Variants in EFCAB13 observed in about 807,000 individuals in gnomAD.
The protein encoded by EFCAB13 is EF-hand calcium-binding domain-containing protein 13.
In EFCAB13, 91 loss-of-function variants were observed where a neutral mutation model predicts 110.2. The observed-to-expected ratio is 0.83, with a 90% CI of 0.70 to 0.98. The LOEUF (loss-of-function observed/expected upper bound fraction) is 0.98. Among genes scored for constraint, EFCAB13 ranks in the 50% least tolerant of loss-of-function variants. EFCAB13 has a pLI of 0.00. For missense variants in EFCAB13, 968 were observed against 1,119.4 expected (o/e 0.86, Z 1.93); for synonymous variants, 323 against 369.9 (o/e 0.87, Z 1.45).
chr17:47,344,180 A>T lies in EFCAB13; in HGVS notation c.322A>T (p.Lys108Ter). The stretch of plus-strand genomic sequence containing the variant: ...GCTCTAGATTATCCCTCCTTTTCTG[A>T]AGCTGTCAAAGGAGAAGGTGACAAG... ...KRTEIIPPFL[K>*]LSKEKVTRKE... Residue 108 changes from lysine (K) to a stop codon, truncating the protein, a stop_gained, in exon 7 of 25, where the codon AAG (lysine) becomes TAG (stop). Coordinates refer to ENST00000331493, the MANE Select transcript of EFCAB13 (RefSeq NM_152347.5). LOFTEE classifies it high-confidence loss of function. The T allele has an allele frequency of 3.7e-6, 6 of 1,612,888 alleles. No homozygotes were observed. Among genetic ancestry groups the T allele is most frequent in the Non-Finnish European group, 5.1e-6 (6 of 1,179,172 alleles).
At chr17:47,335,007 T>C (rs1327509685) in intron 4 of EFCAB13, among the ~76,000 whole-genome samples, 189 bp from the exon 5 acceptor site, 2 of 152,202 alleles carry the variant, frequency 1.3e-5, no homozygotes, top group South Asian at 2.1e-4. Context: ...ATAATTGGAG[T>C]TATTTAGAGT....
chr17:47,358,658 T>TA (rs1235982360), intron 9 of EFCAB13, among the ~76,000 whole-genome samples: 2 of 152,354 alleles, frequency 1.3e-5, no homozygotes, highest in Non-Finnish European at 2.9e-5. Flanking sequence ...ATGGGACTGT[T>TA]ACATTTTATC....
intron 23 of EFCAB13, among the ~76,000 whole-genome samples, chr17:47,420,584 C>T (rs1193754469): frequency 7.3e-5 from 11 of 150,714 alleles, no homozygotes; most frequent in East Asian, 3.9e-4. Flanking sequence ...ATGTGGGGAG[C>T]GCCTCTGCCC....
intron 24 of EFCAB13, among the ~76,000 whole-genome samples, chr17:47,438,152 T>C (rs1230351732): frequency 6.6e-6 from 1 of 152,246 alleles, no homozygotes; most frequent in Admixed American, 6.5e-5. Context: ...AGAAATCTGC[T>C]GTTAATCAGA....
At chr17:47,438,706 T>C (rs1168827403) in intron 24 of EFCAB13, among the ~76,000 whole-genome samples, 2 of 152,136 alleles carry the variant, frequency 1.3e-5, no homozygotes, top group African/African-American at 4.8e-5. Context: ...TTGTATCATA[T>C]TTTGGATTTC....
chr17:47,349,844 G>A (rs1179028417), intron 9 of EFCAB13, among the ~76,000 whole-genome samples: 3 of 142,692 alleles, frequency 2.1e-5, no homozygotes, highest in African/African-American at 5.2e-5. Context: ...GCGCAATCTC[G>A]GCTCACTGCA....
intron 8 of EFCAB13, among the ~76,000 whole-genome samples, chr17:47,346,195 A>G (rs998990813): frequency 6.6e-5 from 10 of 152,108 alleles, no homozygotes; most frequent in Non-Finnish European, 1.5e-4. Context: ...ACTGATTAGC[A>G]ACTCACTATT....
intron 2 of EFCAB13, among the ~76,000 whole-genome samples, chr17:47,325,926 ATATATATAT>A (rs2065281137): frequency 3.5e-4 from 7 of 20,158 alleles, no homozygotes. Flanking sequence ...TAAACAAAAT[ATATATATAT>A]ATATATATAT....
intron 5 of EFCAB13, among the ~76,000 whole-genome samples, chr17:47,335,659 G>T (rs1036926306): frequency 6.6e-6 from 1 of 152,120 alleles, no homozygotes; most frequent in Non-Finnish European, 1.5e-5. Context: ...TCATGGTTCT[G>T]CAGACTTTAC....
intron 4 of EFCAB13, among the ~76,000 whole-genome samples, chr17:47,330,783 T>C (rs1489212291): frequency 1.3e-5 from 2 of 151,988 alleles, no homozygotes. Flanking sequence ...TTTTTTTTGA[T>C]ACAACAACTT....
At chr17:47,347,744 G>C in intron 8 of EFCAB13, 64 bp from the exon 9 acceptor site, 5 of 1,224,928 alleles carry the variant, frequency 4.1e-6, no homozygotes, top group East Asian at 2.8e-5. Context: ...TTTTGAGAGT[G>C]GGGGGAATAA....
intron 20 of EFCAB13, among the ~76,000 whole-genome samples, chr17:47,406,521 T>C (rs1405548582): frequency 6.6e-6 from 1 of 152,320 alleles, no homozygotes; most frequent in East Asian, 1.9e-4. Context: ...AGTTCCCTAG[T>C]TCATTAGAGA....
chr17:47,344,900 C>A, intron 7 of EFCAB13, 116 bp from the exon 8 acceptor site: 1 of 747,404 alleles, frequency 1.3e-6, no homozygotes, highest in Non-Finnish European at 2.3e-6. Flanking sequence ...ATAACTTGGA[C>A]AGTTCTTCAA....
At chr17:47,395,363 A>C (rs1009117093) in intron 16 of EFCAB13, among the ~76,000 whole-genome samples, 2 of 152,200 alleles carry the variant, frequency 1.3e-5, no homozygotes, top group Non-Finnish European at 2.9e-5. Flanking sequence ...CTTTTTACAA[A>C]TTTGTAGTAA....
chr17:47,372,579 T>C (rs2065591091), intron 11 of EFCAB13, among the ~76,000 whole-genome samples: 1 of 152,212 alleles, frequency 6.6e-6, no homozygotes, highest in Non-Finnish European at 1.5e-5. Flanking sequence ...CTAAACAGCA[T>C]CCTTTTCTTT....
At position 47,351,310 on chromosome 17, in the gene EFCAB13, C is replaced by CGTGT. The variant is rs1373645381; in HGVS notation, c.661+3360_661+3361insTGTG. Among the ~76,000 whole-genome samples the CGTGT allele has an allele frequency of 7.5e-5, 10 of 133,100 alleles. No homozygotes were observed. In the South Asian group the frequency reaches 1.9e-3, roughly 26 times the overall value. 87.3% of individuals were successfully genotyped at this position (133,100 alleles called of 152,430 possible). ...GTGTGTGTGTGTGTGTGTGTGCGCG[C>CGTGT]GCGCGCGCGCGCGCGCGCCACGTTT... On this transcript the variant is annotated intron_variant, in intron 9 of 24. Transcript: ENST00000331493.
chr17:47,384,142 CCAG>C, intron 14 of EFCAB13, among the ~76,000 whole-genome samples: 1 of 148,414 alleles, frequency 6.7e-6, no homozygotes, highest in African/African-American at 2.5e-5. Flanking sequence ...ATTGCAACCC[CCAG>C]TTTTTTTTTT....
intron 4 of EFCAB13, among the ~76,000 whole-genome samples, chr17:47,330,489 C>A (rs147939289): frequency 0.042 from 6,370 of 151,906 alleles, 189 homozygotes; most frequent in Middle Eastern, 0.15. Flanking sequence ...GAATCTCTAC[C>A]ACTCCATATG....
chr17:47,404,048 G>GT (rs761442009), intron 19 of EFCAB13, 27 bp downstream of exon 19: 56,780 of 1,174,020 alleles, frequency 0.048, no homozygotes, highest in South Asian at 0.071. Context: ...TTACTCTCAG[G>GT]TTTTTTTTTT....
Sources: gnomAD v4.1 joint callset for allele counts (sites outside exome capture counted in the v4.1 genomes callset) on GRCh38, gnomAD v4.1.1 for gene constraint, MANE v1.5 for transcripts, NCBI Gene and HGNC (gene_info 2026-07-23, HGNC 2026-07-21) for gene names.